Variants in OSBPL9 observed in about 807,000 individuals in gnomAD.
The protein encoded by OSBPL9 is oxysterol binding protein like 9.
OSBPL9 carries 40 observed loss-of-function variants against 106.6 expected under a neutral mutation model. The observed-to-expected ratio is 0.38, with a 90% confidence interval of 0.29 to 0.49. OSBPL9 has a LOEUF of 0.49. Ranked by LOEUF, OSBPL9 falls within the 20% of genes least tolerant of loss-of-function variation. The pLI is 0.97. For synonymous variants in OSBPL9, 269 were observed against 295.4 expected, an observed-to-expected ratio of 0.91 and a Z score of 0.92; for missense variants, 609 against 887.2, an observed-to-expected ratio of 0.69 and a Z score of 3.98.
chr1:51,522,432 G>A, the OSBPL9 span, among the ~76,000 whole-genome samples: 2 of 152,290 alleles, frequency 1.3e-5, no homozygotes, highest in Admixed American at 6.5e-5. Context: ...ATGGGAGCAT[G>A]TCTATAGGGA....
chr1:51,750,672 G>A (rs1226620763), intron 8 of OSBPL9, among the ~76,000 whole-genome samples: 1 of 151,996 alleles, frequency 6.6e-6, no homozygotes, highest in Non-Finnish European at 1.5e-5. Flanking sequence ...TTGAATTATT[G>A]TGGGTTAAAA....
At chr1:51,725,476 T>G (rs1335168324) in intron 4 of OSBPL9, among the ~76,000 whole-genome samples, 1 of 152,210 alleles carries the variant, frequency 6.6e-6, no homozygotes, top group Non-Finnish European at 1.5e-5. Flanking sequence ...TTTTTCCTAT[T>G]TAATATGTCT....
In OSBPL9 at chr1:51,763,425, A is replaced by T. The variant is rs899931851; in HGVS notation, c.778+1454A>T. Among the ~76,000 whole-genome samples, 29 of 152,192 alleles carry T rather than the reference A, an allele frequency of 1.9e-4. 1 individual carries two copies. The highest frequency in any genetic ancestry group is 2.6e-4 in the Non-Finnish European group (18 of 68,034). ...AAAATTAATTAAATGTATGTTGAAT[A>T]ACTTGTAGAACCAAACTCAAGGAAG... is the stretch of plus-strand genomic sequence containing the variant. On this transcript the variant is annotated intron_variant, in intron 11 of 23. Transcript: ENST00000428468.
chr1:51,652,709 G>A (rs1646592073), intron 2 of OSBPL9, among the ~76,000 whole-genome samples: 2 of 152,190 alleles, frequency 1.3e-5, no homozygotes, highest in South Asian at 2.1e-4. Flanking sequence ...GTACTTCAGA[G>A]AAGGGGATCA....
intron 3 of OSBPL9, chr1:51,707,578 A>G (rs896777964): frequency 5.6e-6 from 1 of 179,738 alleles, no homozygotes; most frequent in Non-Finnish European, 1.2e-5. Flanking sequence ...GGTACCATCT[A>G]CCCACATCTT....
At chr1:51,567,261 C>G in the OSBPL9 span, 18 of 152,256 alleles carry the variant, frequency 1.2e-4, no homozygotes, top group Admixed American at 3.9e-4. Context: ...AGTCACTTTG[C>G]TTGACTCTTA....
chr1:51,577,932 G>A (rs764435823), intron 1 of OSBPL9, among the ~76,000 whole-genome samples: 9 of 152,134 alleles, frequency 5.9e-5, no homozygotes, highest in African/African-American at 1.9e-4. Context: ...ATGAAATCAC[G>A]TGTGAGAAAA....
chr1:51,678,731 A>G (rs1553163519), intron 3 of OSBPL9, among the ~76,000 whole-genome samples: 1 of 152,234 alleles, frequency 6.6e-6, no homozygotes, highest in Non-Finnish European at 1.5e-5. Flanking sequence ...GGTGAAGGAA[A>G]GTGTTTAATT....
chr1:51,544,837 CTT>C, the OSBPL9 span, among the ~76,000 whole-genome samples: 417 of 80,178 alleles, frequency 5.2e-3, 2 homozygotes, highest in African/African-American at 0.014. Flanking sequence ...AAGAGACATG[CTT>C]TTTTTTTTTT....
chr1:51,737,939 G>C (rs996554632), intron 4 of OSBPL9, among the ~76,000 whole-genome samples: 8 of 152,006 alleles, frequency 5.3e-5, no homozygotes, highest in Non-Finnish European at 8.8e-5. Context: ...GAGTGAAGGA[G>C]GCTGCTAATA....
chr1:51,617,097 TG>T lies in OSBPL9; in HGVS notation c.-12del. On this transcript the variant is annotated 5_prime_UTR_variant, in exon 1 of 24. Coordinates refer to ENST00000428468, the MANE Select transcript of OSBPL9 (RefSeq NM_024586.6). ...GTGACGTCAGGCCGTTTGTTGTCAT[TG>T]GCGGCTCCCAAGATGGCGTCCATCA... 1 of 1,603,122 alleles carries T rather than the reference TG, an allele frequency of 6.2e-7. No individual in the cohort carries two copies. Among genetic ancestry groups the T allele is most frequent in the Non-Finnish European group, 8.5e-7 (1 of 1,175,062 alleles).
rs531500179 is a variant in OSBPL9 at position 51,775,797 on chromosome 1, G to A, written c.1171-1036G>A. 2.6e-5 allele frequency among the ~76,000 whole-genome samples: 4 copies of A among 152,158 alleles called. No homozygotes were observed. In the South Asian group the frequency reaches 8.3e-4, roughly 32 times the overall value. ...AGGTAATTTTTGTATTTTTAGTAGAGACGGGGTTTCACTGTGTTGGCCAGG... is the reference window on the plus strand; with the variant it reads ...AGGTAATTTTTGTATTTTTAGTAGAAACGGGGTTTCACTGTGTTGGCCAGG... On this transcript the variant is annotated intron_variant, in intron 14 of 23. Coordinates refer to ENST00000428468, the MANE Select transcript of OSBPL9 (RefSeq NM_024586.6).
At chr1:51,561,228 G>C in the OSBPL9 span, among the ~76,000 whole-genome samples, 1 of 152,150 alleles carries the variant, frequency 6.6e-6, no homozygotes, top group Non-Finnish European at 1.5e-5. Context: ...CAGAGTAAGT[G>C]AGACTCTGTC....
chr1:51,622,698 A>G (rs1570597704), intron 1 of OSBPL9, among the ~76,000 whole-genome samples: 1 of 152,190 alleles, frequency 6.6e-6, no homozygotes, highest in Non-Finnish European at 1.5e-5. Flanking sequence ...GAGCTGCTTA[A>G]GTGTCATCAT....
At chr1:51,715,623 G>T (rs965956242) in intron 4 of OSBPL9, among the ~76,000 whole-genome samples, 1 of 152,148 alleles carries the variant, frequency 6.6e-6, no homozygotes, top group Non-Finnish European at 1.5e-5. Context: ...TAGACTGAAT[G>T]TGGCAGATGA....
chr1:51,722,121 G>C (rs1662242635), intron 4 of OSBPL9, among the ~76,000 whole-genome samples: 2 of 152,118 alleles, frequency 1.3e-5, no homozygotes, highest in Admixed American at 1.3e-4. Context: ...AGAAGTTTAA[G>C]AGTAGCTTGG....
intron 1 of OSBPL9, among the ~76,000 whole-genome samples, chr1:51,621,257 C>T (rs561377231): frequency 2.3e-3 from 352 of 152,190 alleles, no homozygotes; most frequent in Admixed American, 4.4e-3. Flanking sequence ...ATCCCAGCAC[C>T]TTGGGAGGCC....
intron 4 of OSBPL9, 44 bp downstream of exon 4, chr1:51,714,123 C>T (rs2148893981): frequency 3.5e-6 from 5 of 1,410,562 alleles, no homozygotes; most frequent in South Asian, 2.8e-5. Flanking sequence ...TTAGTTGTTG[C>T]TTTCTTTTTT....
Position 51,789,171 on chromosome 1 carries a change from C to CATAAA in OSBPL9, c.*1386_*1390dup, listed in dbSNP as rs1322199744. On this transcript the variant is annotated 3_prime_UTR_variant, in exon 24 of 24. Transcript: ENST00000428468. ...CCTAAGGCAGTAGTATAACTAACTC[C>CATAAA]ATAAAATACAAACAAACACATTTTA... 2.7e-6 allele frequency: 4 copies of CATAAA among 1,470,354 alleles called. No individual in the cohort carries two copies. Among genetic ancestry groups the CATAAA allele is most frequent in the Non-Finnish European group, 3.8e-6 (4 of 1,050,934 alleles). The allele number at this position is 1,470,354 out of a possible 1,614,324, so 91.1% of individuals were successfully genotyped here. A position where few individuals can be genotyped will look rare whatever the true frequency, so the allele number is the denominator to read the frequency against.
Sources: allele counts gnomAD v4.1 joint callset (sites outside exome capture counted in the v4.1 genomes callset), GRCh38; gene constraint gnomAD v4.1.1; transcripts MANE v1.5; gene names NCBI Gene and HGNC (gene_info 2026-07-23, HGNC 2026-07-21).